The following ADGRV1 variants were observed in gnomAD, a reference collection of about 807,000 sequenced individuals.
ADGRV1 encodes the protein adhesion G protein-coupled receptor V1, also known as G-protein coupled receptor 98.
ADGRV1 carries 359 observed loss-of-function variants against 596.2 expected under a neutral mutation model. The ratio of observed to expected loss-of-function variants is 0.60; its 90% CI spans 0.55 to 0.66. The LOEUF is 0.66. Among genes scored for constraint, ADGRV1 ranks in the 30% least tolerant of loss-of-function variants. The pLI is 0.00. For missense variants in ADGRV1, 7,274 were observed against 7,575.6 expected, an observed-to-expected ratio of 0.96 and a Z score of 1.48; for synonymous variants, 2,681 against 2,679.2, an observed-to-expected ratio of 1.00 and a Z score of -0.02.
At chr5:90,959,178 A>G (rs1023126963) in intron 83 of ADGRV1, among the ~76,000 whole-genome samples, 1 of 152,182 alleles carries the variant, frequency 6.6e-6, no homozygotes, top group Non-Finnish European at 1.5e-5. Context: ...ATAAAAATAA[A>G]TTTTATTTCT....
chr5:90,797,723 G>C (rs560272071), intron 70 of ADGRV1, among the ~76,000 whole-genome samples: 1 of 152,140 alleles, frequency 6.6e-6, no homozygotes, highest in South Asian at 2.1e-4. Context: ...CCACATAATT[G>C]GAAGTAAAAC....
chr5:91,119,519 C>T (rs1793128941), intron 87 of ADGRV1, among the ~76,000 whole-genome samples: 2 of 152,190 alleles, frequency 1.3e-5, no homozygotes. Context: ...TGCTGTGTGT[C>T]ACCAAAAGCT....
At chr5:91,007,602 A>AT (rs1394017468) in intron 85 of ADGRV1, among the ~76,000 whole-genome samples, 1 of 152,168 alleles carries the variant, frequency 6.6e-6, no homozygotes, top group Non-Finnish European at 1.5e-5. Flanking sequence ...AAGTATTAGT[A>AT]TTTTGATGTA....
chr5:90,664,142 C>T (rs945690101), intron 21 of ADGRV1, among the ~76,000 whole-genome samples: 2 of 149,262 alleles, frequency 1.3e-5, no homozygotes, highest in African/African-American at 5.0e-5. Flanking sequence ...TTTTCCAATT[C>T]TGTGAAGAAA....
chr5:90,910,568 TATC>T (rs1262707467), intron 83 of ADGRV1, among the ~76,000 whole-genome samples: 1 of 73,384 alleles, frequency 1.4e-5, no homozygotes, highest in Non-Finnish European at 4.0e-5. Flanking sequence ...TCTATCTATC[TATC>T]TATCTATCTA....
chr5:91,027,144 A>ACACAC (rs1784079107), intron 85 of ADGRV1, among the ~76,000 whole-genome samples: 1 of 129,128 alleles, frequency 7.7e-6, no homozygotes, highest in Non-Finnish European at 1.6e-5. Context: ...ACAGTCTCAA[A>ACACAC]ACACACACAC....
At position 91,068,130 on chromosome 5, in the gene ADGRV1, GAAATA is replaced by G. The variant is rs1393850630; in HGVS notation, c.18153-4310_18153-4306del. ...CTTGAAATATGCCTTGTTTACGTGAGAAATAAAATAAGCAGATTATGTTAATTAGA... is the reference window on the plus strand; with the variant it reads ...CTTGAAATATGCCTTGTTTACGTGAGAAATAAGCAGATTATGTTAATTAGA... On this transcript the variant is annotated intron_variant, in intron 85 of 89. Transcript: ENST00000405460. Among the ~76,000 whole-genome samples, 6 of 152,152 alleles carry G rather than the reference GAAATA, an allele frequency of 3.9e-5. No individual in the cohort carries two copies. In the East Asian group the frequency reaches 1.2e-3, roughly 29 times the overall value.
intron 87 of ADGRV1, among the ~76,000 whole-genome samples, chr5:91,103,625 T>C (rs1284728186): frequency 2.0e-5 from 3 of 152,016 alleles, no homozygotes; most frequent in Non-Finnish European, 4.4e-5. Context: ...TTGTTTTAGA[T>C]TTTCAAATAG....
At chr5:90,603,947 A>G (rs1048896656) in intron 1 of ADGRV1, among the ~76,000 whole-genome samples, 2 of 144,562 alleles carry the variant, frequency 1.4e-5, no homozygotes, top group Non-Finnish European at 3.0e-5. Context: ...CCACCTTGTG[A>G]ACTGGTTTTC....
rs78541930 is a variant in ADGRV1, at chr5:90,562,245, A to C, written c.22+3328A>C. On this transcript the variant is annotated intron_variant, in intron 1 of 89. Transcript: ENST00000405460. ...GATAAACATACTACTAATAAACTAG[A>C]GTCTACTCCATGTAGAATGGAGTAG... Among the ~76,000 whole-genome samples, 1,334 of 152,350 alleles carry C rather than the reference A, an allele frequency of 8.8e-3. 13 individuals are homozygous for C. Among genetic ancestry groups the C allele is most frequent in the African/African-American group, 0.03 (1,268 of 41,580 alleles).
intron 85 of ADGRV1, among the ~76,000 whole-genome samples, chr5:91,020,425 A>G (rs1480253947): frequency 6.6e-6 from 1 of 152,052 alleles, no homozygotes; most frequent in South Asian, 2.1e-4. Flanking sequence ...TTTCACGTAT[A>G]TTATCTCACT....
chr5:90,587,555 C>CT (rs35819836), intron 1 of ADGRV1, among the ~76,000 whole-genome samples: 272 of 138,542 alleles, frequency 2.0e-3, no homozygotes, highest in Middle Eastern at 0.011. Context: ...TTTTCTGTGT[C>CT]TTTTTTTTTT....
At chr5:90,845,103 G>A (rs1052486229) in intron 78 of ADGRV1, among the ~76,000 whole-genome samples, 1 of 152,164 alleles carries the variant, frequency 6.6e-6, no homozygotes, top group Non-Finnish European at 1.5e-5. Context: ...GTCAGTCCAG[G>A]TGGTTGCTTT....
chr5:91,116,554 C>G (rs1852732), intron 87 of ADGRV1, among the ~76,000 whole-genome samples: 79,945 of 152,028 alleles, frequency 0.53, 23,219 homozygotes, highest in Non-Finnish European at 0.64. Flanking sequence ...AGTGTTTTCT[C>G]TAATTCCCTT....
intron 28 of ADGRV1, 93 bp downstream of exon 28, chr5:90,684,288 A>T: frequency 8.3e-7 from 1 of 1,208,874 alleles, no homozygotes; most frequent in South Asian, 1.8e-5. Context: ...ATTCTATAAA[A>T]AGTAGTAAAC....
chr5:90,666,515 C>T (rs6878447), intron 21 of ADGRV1, among the ~76,000 whole-genome samples: 75,870 of 140,774 alleles, frequency 0.54, 21,355 homozygotes, highest in East Asian at 0.79. Flanking sequence ...TGTCTCTGCA[C>T]GTGAGATGGG....
rs565059576 is a variant in ADGRV1, at chr5:90,593,838, A to G, written c.23-20997A>G. Among the ~76,000 whole-genome samples, 5 of 152,294 alleles carry G rather than the reference A, an allele frequency of 3.3e-5. No individual in the cohort carries two copies. The South Asian group carries it at 1.0e-3, about 32-fold the overall frequency. Reference sequence around the variant, plus strand: ...GTACAAGCTTTTTATCAAATTAGCAAATTCTCTTGTATTCCAAGCATGCTA... The same window carrying G: ...GTACAAGCTTTTTATCAAATTAGCAGATTCTCTTGTATTCCAAGCATGCTA... On this transcript the variant is annotated intron_variant, in intron 1 of 89. Transcript: ENST00000405460.
intron 34 of ADGRV1, among the ~76,000 whole-genome samples, chr5:90,697,690 ATT>A (rs1248335794): frequency 6.6e-6 from 1 of 151,592 alleles, no homozygotes; most frequent in Non-Finnish European, 1.5e-5. Context: ...AAAAACAGTA[ATT>A]TTCTTGAATT....
chr5:90,894,609 TCA>T (rs1464299196), intron 83 of ADGRV1, among the ~76,000 whole-genome samples: 1 of 152,168 alleles, frequency 6.6e-6, no homozygotes, highest in Admixed American at 6.5e-5. Context: ...ACCACAGCAG[TCA>T]CCGACTCTGC....
Sources: allele counts gnomAD v4.1 joint callset (sites outside exome capture counted in the v4.1 genomes callset), GRCh38; gene constraint gnomAD v4.1.1; transcripts MANE v1.5; gene names NCBI Gene and HGNC (gene_info 2026-07-23, HGNC 2026-07-21).